ABHD6: variants seen among roughly 807,000 people sequenced by gnomAD.
ABHD6 encodes monoacylglycerol lipase ABHD6.
In ABHD6, 33 loss-of-function variants were observed where a neutral mutation model predicts 38.8. The ratio of observed to expected loss-of-function variants is 0.85; its 90% CI spans 0.64 to 1.14. The LOEUF (loss-of-function observed/expected upper bound fraction) is 1.14. ABHD6 is among the 50% of genes most tolerant of loss of function. The probability of loss-of-function intolerance (pLI) is 0.00; values close to 1 mark genes in which losing one functional copy is unlikely to be tolerated. For synonymous variants in ABHD6, 147 were observed against 161.6 expected, an observed-to-expected ratio of 0.91 and a Z score of 0.69; for missense variants, 380 against 422.6, an observed-to-expected ratio of 0.90 and a Z score of 0.88.
chr3:58,286,394 A>C (rs1223818751), intron 9 of ABHD6, among the ~76,000 whole-genome samples: 2 of 151,992 alleles, frequency 1.3e-5, no homozygotes, highest in East Asian at 3.9e-4. Flanking sequence ...GACTTCAAGC[A>C]GTCCACCTTC....
intron 9 of ABHD6, among the ~76,000 whole-genome samples, chr3:58,290,643 G>A (rs553907782): frequency 7.0e-6 from 1 of 142,754 alleles, no homozygotes; most frequent in Non-Finnish European, 1.5e-5. Flanking sequence ...CCGGGCGGAG[G>A]GTCTCCTCCC....
intron 9 of ABHD6, among the ~76,000 whole-genome samples, chr3:58,290,371 A>G (rs1342398865): frequency 1.3e-3 from 76 of 60,412 alleles, no homozygotes; most frequent in Admixed American, 2.4e-3. Flanking sequence ...TCCCGGATGG[A>G]GCGGCTGGCC....
intron 7 of ABHD6, among the ~76,000 whole-genome samples, chr3:58,279,934 T>C (rs924199183): frequency 2.0e-4 from 30 of 152,232 alleles, no homozygotes; most frequent in African/African-American, 7.2e-4. Flanking sequence ...CTCTTCTGGC[T>C]TGTAGGGTTT....
At chr3:58,280,625 G>T (rs142904026) in intron 7 of ABHD6, among the ~76,000 whole-genome samples, 236 of 152,272 alleles carry the variant, frequency 1.5e-3, no homozygotes, top group African/African-American at 5.4e-3. Flanking sequence ...ATCCAGCTTT[G>T]TTCCGTTGCT....
Position 58,257,575 on chromosome 3 carries a change from C to T in ABHD6, c.119+870C>T, listed in dbSNP as rs888330883. On this transcript the variant is annotated intron_variant, in intron 3 of 9. Transcript: ENST00000478253. This position sits in a 1 kb window ranked among gnomAD's most constrained non-coding sequence, Gnocchi z 4.8. ...ACAGGCTTTTGCCGTATTGGCCAAG[C>T]TGGTCTCAAACTCCTGACCTCAAGT... Among the ~76,000 whole-genome samples, 8 of 152,066 alleles carry T rather than the reference C, an allele frequency of 5.3e-5. No individual in the cohort carries two copies. The highest frequency in any genetic ancestry group is 8.8e-5 in the Non-Finnish European group (6 of 68,030).
intron 1 of ABHD6, among the ~76,000 whole-genome samples, chr3:58,249,138 A>G (rs2097428335): frequency 6.6e-6 from 1 of 152,138 alleles, no homozygotes. Context: ...AATCTTATTT[A>G]TGGTATCTCT....
In ABHD6 at chr3:58,267,357, G is replaced by A. The variant is rs753331550; in HGVS notation, c.276+12G>A. ...TCAGTGTGGTCAAGGTGCAATTCTC[G>A]ATTCTTCTCTCTTATAAGAAAAGGG... On this transcript the variant is annotated intron_variant, in intron 4 of 9. Transcript: ENST00000478253. The surrounding 1 kb of genome is among the most constrained non-coding windows in gnomAD (Gnocchi z 4.3). 11 of 1,613,618 alleles carry A rather than the reference G, an allele frequency of 6.8e-6. No homozygotes were observed. The highest frequency in any genetic ancestry group is 2.2e-5 in the South Asian group (2 of 91,058).
intron 7 of ABHD6, among the ~76,000 whole-genome samples, chr3:58,281,634 G>C (rs771948187): frequency 2.6e-5 from 4 of 152,216 alleles, no homozygotes; most frequent in Non-Finnish European, 5.9e-5. Context: ...AGATGAACCA[G>C]GTACGTTAAT....
In ABHD6 at chr3:58,273,827, C is replaced by T. The variant is rs1312235395; in HGVS notation, c.524-831C>T. Among the ~76,000 whole-genome samples, 1 of 152,022 alleles carries T rather than the reference C, an allele frequency of 6.6e-6. No homozygotes were observed. The highest frequency in any genetic ancestry group is 2.4e-5 in the African/African-American group (1 of 41,364). ...TGATAGGTGCAGCAAACCACCGTGG[C>T]ACATGTATACCTATGTAACAAACCT... On this transcript the variant is annotated intron_variant, in intron 6 of 9. Coordinates refer to ENST00000478253, the MANE Select transcript of ABHD6 (RefSeq NM_001320126.2). This position sits in a 1 kb window ranked among gnomAD's most constrained non-coding sequence, Gnocchi z 4.8.
rs949536754 is a variant in ABHD6, at chr3:58,263,388, C to T, written c.120-3801C>T. On this transcript the variant is annotated intron_variant, in intron 3 of 9. Transcript: ENST00000478253. The surrounding 1 kb of genome is among the most constrained non-coding windows in gnomAD (Gnocchi z 4.9). Reference sequence around the variant, plus strand: ...CTAGGCAACGAGAGTGAAACTCCATCTCAAAAAAAAAAAAAAAGAAAAAAT... The same window carrying T: ...CTAGGCAACGAGAGTGAAACTCCATTTCAAAAAAAAAAAAAAAGAAAAAAT... Among the ~76,000 whole-genome samples, 1 of 145,938 alleles carries T rather than the reference C, an allele frequency of 6.9e-6. No individual in the cohort carries two copies. Among genetic ancestry groups the T allele is most frequent in the East Asian group, 2.0e-4 (1 of 5,082 alleles).
intron 1 of ABHD6, among the ~76,000 whole-genome samples, chr3:58,249,446 C>G (rs1269107903): frequency 1.3e-5 from 2 of 152,324 alleles, no homozygotes; most frequent in South Asian, 2.1e-4. Context: ...GTGCAGCCCC[C>G]CTGACAGTAC....
In ABHD6 at chr3:58,294,119, G is replaced by C; in HGVS notation, c.*354G>C. 5.3e-6 allele frequency: 1 copy of C among 187,724 alleles called. No individual in the cohort carries two copies. Among genetic ancestry groups the C allele is most frequent in the Non-Finnish European group, 1.1e-5 (1 of 90,592 alleles). 11.6% of individuals were successfully genotyped at this position (187,724 alleles called of 1,614,324 possible). ...TTCTTTGAGACATTCCTTATAGTTGGAGACTCAAGATATTTTTGTTGCATC... is the reference window on the plus strand; with the variant it reads ...TTCTTTGAGACATTCCTTATAGTTGCAGACTCAAGATATTTTTGTTGCATC... On this transcript the variant is annotated 3_prime_UTR_variant, in exon 10 of 10. Coordinates refer to ENST00000478253, the MANE Select transcript of ABHD6 (RefSeq NM_001320126.2).
In ABHD6 at chr3:58,285,048, T is replaced by C. The variant is rs1297582827; in HGVS notation, c.682-37T>C. On this transcript the variant is annotated intron_variant, in intron 7 of 9. Transcript: ENST00000478253. This position sits in a 1 kb window ranked among gnomAD's most constrained non-coding sequence, Gnocchi z 4.9. ...TGTGAGAGGCCTGAGGAAATGAATCTTCTCTTGCTCTCTAACTTTGGGTTA... is the reference window on the plus strand; with the variant it reads ...TGTGAGAGGCCTGAGGAAATGAATCCTCTCTTGCTCTCTAACTTTGGGTTA... The C allele has an allele frequency of 1.2e-6, 2 of 1,601,714 alleles. No homozygotes were observed. Among genetic ancestry groups the C allele is most frequent in the African/African-American group, 2.7e-5 (2 of 74,648 alleles).
chr3:58,285,116 C>G lies in ABHD6; in HGVS notation c.713C>G (p.Pro238Arg). 1.2e-6 allele frequency: 2 copies of G among 1,614,186 alleles called. No homozygotes were observed. Among genetic ancestry groups the G allele is most frequent in the Non-Finnish European group, 1.7e-6 (2 of 1,180,030 alleles). Residue 238 changes from proline to arginine, a missense_variant, in exon 8 of 10, where the codon CCT (proline) becomes CGT (arginine). Physicochemically the swap from Pro to Arg is moderately radical, Grantham distance 103. Coordinates refer to ENST00000478253, the MANE Select transcript of ABHD6 (RefSeq NM_001320126.2). This position sits in a 1 kb window ranked among gnomAD's most constrained non-coding sequence, Gnocchi z 4.9. ...ILQGLVDVRIPHNNFYRKLFL... is the reference protein window; with the variant it reads ...ILQGLVDVRIRHNNFYRKLFL... ...CAAGGCCTTGTCGATGTCCGCATCC[C>G]TCATAACAACTTCTACCGAAAGTGT... is the stretch of plus-strand genomic sequence containing the variant.
Position 58,256,649 on chromosome 3 carries a change from G to T in ABHD6, c.63G>T (p.Leu21=). ...IAGGTLAIPI[L]AFVASFLLWP... ...GCGGCACGCTGGCCATCCCAATCCTGGCATTTGTGGCTTCATTTCTTCTGT... is the reference window on the plus strand; with the variant it reads ...GCGGCACGCTGGCCATCCCAATCCTTGCATTTGTGGCTTCATTTCTTCTGT... The change falls in exon 3 of 10, where the codon CTG becomes CTT. Residue 21 remains leucine (L), a synonymous_variant. Coordinates refer to ENST00000478253, the MANE Select transcript of ABHD6 (RefSeq NM_001320126.2). The surrounding 1 kb of genome is among the most constrained non-coding windows in gnomAD (Gnocchi z 4.3). 6.2e-7 allele frequency: 1 copy of T among 1,613,746 alleles called. No homozygotes were observed. The highest frequency in any genetic ancestry group is 8.5e-7 in the Non-Finnish European group (1 of 1,180,026).
chr3:58,246,912 G>A (rs1211746944), intron 1 of ABHD6, among the ~76,000 whole-genome samples: 2 of 152,314 alleles, frequency 1.3e-5, no homozygotes, highest in East Asian at 3.9e-4. Flanking sequence ...TGTTAATAGA[G>A]TGGGCTGCTA....
chr3:58,286,844 G>GTATATATATATA (rs1553721712), intron 9 of ABHD6, among the ~76,000 whole-genome samples: 7 of 50,048 alleles, frequency 1.4e-4, no homozygotes, highest in East Asian at 5.8e-4. Context: ...GTGTGTGTGT[G>GTATATATATATA]TGTGTGTGTA....
intron 6 of ABHD6, 70 bp from the exon 7 acceptor site, chr3:58,274,588 T>C: frequency 6.7e-7 from 1 of 1,498,222 alleles, no homozygotes; most frequent in East Asian, 2.3e-5. Context: ...CTGTCAGAAG[T>C]TCCCTATATA....
intron 9 of ABHD6, among the ~76,000 whole-genome samples, chr3:58,286,850 G>A (rs55936233): frequency 0.39 from 26,496 of 67,092 alleles, 5,916 homozygotes; most frequent in East Asian, 0.56. Flanking sequence ...GTGTGTGTGT[G>A]TGTATATATA....
Sources: gnomAD v4.1 joint callset for allele counts (sites outside exome capture counted in the v4.1 genomes callset) on GRCh38, gnomAD v4.1.1 for gene constraint, Gnocchi (gnomAD v3.1) non-coding constraint, MANE v1.5 for transcripts, NCBI Gene and HGNC (gene_info 2026-07-23, HGNC 2026-07-21) for gene names.